WEE1: variants seen among roughly 807,000 people sequenced by gnomAD.
WEE1 encodes the protein WEE1 G2 checkpoint kinase.
A neutral mutation model predicts 68.8 loss-of-function variants in WEE1; 16 were observed. That is an observed-to-expected ratio of 0.23 (90% CI 0.16 to 0.35). The LOEUF (loss-of-function observed/expected upper bound fraction) is 0.35. Ranked by LOEUF, WEE1 falls within the 10% of genes least tolerant of loss-of-function variation. The pLI is 1.00. For synonymous variants in WEE1, 349 were observed against 318.7 expected, an observed-to-expected ratio of 1.09 and a Z score of -1.01; for missense variants, 651 against 824.1, an observed-to-expected ratio of 0.79 and a Z score of 2.57.
chr11:9,576,558 C>G lies in WEE1; in HGVS notation c.918C>G (p.Gly306=). The part of the protein sequence containing the change: ...TTEFHELEKI[G]SGEFGSVFKC... ...AATTTCATGAGCTAGAGAAAATCGGCTCTGGAGAATTTGGTTCTGTATTTA... is the reference window on the plus strand; with the variant it reads ...AATTTCATGAGCTAGAGAAAATCGGGTCTGGAGAATTTGGTTCTGTATTTA... Residue 306 remains glycine, a synonymous_variant, in exon 4 of 11, where the codon GGC becomes GGG. Coordinates refer to ENST00000450114, the MANE Select transcript of WEE1 (RefSeq NM_003390.4). The surrounding 1 kb of genome is among the most constrained non-coding windows in gnomAD (Gnocchi z 4.3). 1.2e-6 allele frequency: 2 copies of G among 1,614,002 alleles called. No individual in the cohort carries two copies. Among genetic ancestry groups the G allele is most frequent in the Non-Finnish European group, 1.7e-6 (2 of 1,179,940 alleles).
chr11:9,577,712 A>T, intron 5 of WEE1: 1 of 325,440 alleles, frequency 3.1e-6, no homozygotes, highest in Admixed American at 4.6e-5. Context: ...TTCTTTAAGC[A>T]TTCTGTAGTC....
At chr11:9,575,096 G>C (rs1849549996) in intron 1 of WEE1, 1 of 985,492 alleles carries the variant, frequency 1.0e-6, no homozygotes, top group Non-Finnish European at 1.2e-6. Flanking sequence ...CTAAGTCCAG[G>C]CAGTACTGAG....
chr11:9,586,165 A>G (rs954913711), intron 8 of WEE1, among the ~76,000 whole-genome samples: 5 of 152,332 alleles, frequency 3.3e-5, no homozygotes, highest in East Asian at 1.9e-4. Context: ...GCCTAGAGGT[A>G]GAGGGATTTC....
rs1178991611 is a variant in WEE1 at position 9,576,924 on chromosome 11, C to T, written c.1020-218C>T. On this transcript the variant is annotated intron_variant, in intron 4 of 10. Transcript: ENST00000450114. This position sits in a 1 kb window ranked among gnomAD's most constrained non-coding sequence, Gnocchi z 4.3. ...AATGGAGTTTATTCTTACCTGAGTC[C>T]TAGGGCAAGCAACATTTCTTCTTTC... Among the ~76,000 whole-genome samples, 1 of 152,146 alleles carries T rather than the reference C, an allele frequency of 6.6e-6. No homozygotes were observed. Among genetic ancestry groups the T allele is most frequent in the Non-Finnish European group, 1.5e-5 (1 of 68,028 alleles).
intron 1 of WEE1, chr11:9,575,645 A>G (rs923038591): frequency 9.8e-6 from 5 of 510,044 alleles, no homozygotes; most frequent in Middle Eastern, 5.4e-4. Flanking sequence ...GGCAGCATTT[A>G]TATTCTTTTT....
chr11:9,586,502 A>T lies in WEE1; in HGVS notation c.1524A>T (p.Val508=), dbSNP rs762286625. The change falls in exon 9 of 11, where the codon GTA becomes GTT. Residue 508 remains valine, a synonymous_variant. Transcript: ENST00000450114. The stretch of plus-strand genomic sequence containing the variant: ...TTTTTGCGCTTGCCCTCACAGTGGT[A>T]TGTGCTGCTGGTGCTGAACCTCTTC... The part of the protein sequence containing the change: ...ADIFALALTV[V]CAAGAEPLPR... 3.7e-6 allele frequency: 6 copies of T among 1,614,126 alleles called. No individual in the cohort carries two copies. Among genetic ancestry groups the T allele is most frequent in the Non-Finnish European group, 8.5e-7 (1 of 1,179,990 alleles).
chr11:9,586,431 A>T lies in WEE1; in HGVS notation c.1471-18A>T. 5 of 1,596,842 alleles carry T rather than the reference A, an allele frequency of 3.1e-6. No homozygotes were observed. Among genetic ancestry groups the T allele is most frequent in the Non-Finnish European group, 4.3e-6 (5 of 1,171,290 alleles). On this transcript the variant is annotated intron_variant, in intron 8 of 10. Transcript: ENST00000450114. ...GACCATGTTTACATTCCTTTAAAAA[A>T]TTGTTTTAATTTTACAGAATTATAC...
chr11:9,574,259 C>T lies in WEE1; in HGVS notation c.326C>T (p.Ala109Val). Residue 109 changes from alanine (A) to valine (V), a missense_variant, in exon 1 of 11, where the codon GCG (alanine) becomes GTG (valine). Coordinates refer to ENST00000450114, the MANE Select transcript of WEE1 (RefSeq NM_003390.4). The surrounding 1 kb of genome is among the most constrained non-coding windows in gnomAD (Gnocchi z 4.9). ...GGCGCGGACGAGGCGGGCGGTGGGG[C>T]GGAGGGCGACTCGTGGGAGGAGGAG... ...CPGADEAGGG[A>V]EGDSWEEEGF... 1 of 1,214,606 alleles carries T rather than the reference C, an allele frequency of 8.2e-7. No individual in the cohort carries two copies. Among genetic ancestry groups the T allele is most frequent in the Non-Finnish European group, 1.0e-6 (1 of 975,488 alleles). The allele number at this position is 1,214,606 out of a possible 1,614,324, so 75.2% of individuals were successfully genotyped here. A position where few individuals can be genotyped will look rare whatever the true frequency, so the allele number is the denominator to read the frequency against.
chr11:9,583,671 A>G (rs1250424739), intron 6 of WEE1, among the ~76,000 whole-genome samples: 1 of 149,688 alleles, frequency 6.7e-6, no homozygotes, highest in Non-Finnish European at 1.5e-5. Flanking sequence ...AAGTTGTCCT[A>G]TAAAGAAAGT....
At chr11:9,587,276 G>A (rs556663286) in intron 10 of WEE1, among the ~76,000 whole-genome samples, 44 of 152,250 alleles carry the variant, frequency 2.9e-4, no homozygotes, top group Admixed American at 2.6e-3. Context: ...AGTTCGATAT[G>A]TTGTTATACG....
chr11:9,576,670 A>G lies in WEE1; in HGVS notation c.1019+11A>G, dbSNP rs768377459. ...GGGCTCTGTTGATGAGTATGTATTA[A>G]ACATTTTGTCTTTTGCTCTTTTGTC... On this transcript the variant is annotated intron_variant, in intron 4 of 10. Coordinates refer to ENST00000450114, the MANE Select transcript of WEE1 (RefSeq NM_003390.4). This position sits in a 1 kb window ranked among gnomAD's most constrained non-coding sequence, Gnocchi z 4.3. 1 of 1,603,382 alleles carries G rather than the reference A, an allele frequency of 6.2e-7. No homozygotes were observed. Among genetic ancestry groups the G allele is most frequent in the Non-Finnish European group, 8.5e-7 (1 of 1,176,672 alleles).
chr11:9,575,050 T>TG, intron 1 of WEE1: 1 of 985,730 alleles, frequency 1.0e-6, no homozygotes, highest in Non-Finnish European at 1.2e-6. Flanking sequence ...GAGTAAAGGC[T>TG]GGCCTTCCAA....
In WEE1 at chr11:9,589,138, T is replaced by C; in HGVS notation, c.*536T>C. On this transcript the variant is annotated 3_prime_UTR_variant, in exon 11 of 11. Coordinates refer to ENST00000450114, the MANE Select transcript of WEE1 (RefSeq NM_003390.4). ...TGATGATTCTGTGGAGGTATTGCCT[T>C]GTGAATTTGCTGCTATTTTAGTTTT... The C allele has an allele frequency of 1.0e-6, 1 of 985,884 alleles. No homozygotes were observed. Among genetic ancestry groups the C allele is most frequent in the Non-Finnish European group, 1.2e-6 (1 of 829,944 alleles). The allele number at this position is 985,884 out of a possible 1,614,324, so 61.1% of individuals were successfully genotyped here. A position where few individuals can be genotyped will look rare whatever the true frequency, so the allele number is the denominator to read the frequency against.
Position 9,585,462 on chromosome 11 carries a change from A to G in WEE1, c.1405A>G (p.Arg469Gly), listed in dbSNP as rs771783134. ...FKIGDLGHVT[R>G]ISSPQVEEGD... ...TCTAGGTGATCTTGGGCATGTAACA[A>G]GGATCTCCAGTCCACAAGTTGAAGA... Residue 469 changes from arginine to glycine, a missense_variant, in exon 8 of 11, where the codon AGG becomes GGG. Physicochemically the swap from Arg to Gly is moderately radical, Grantham distance 125 (BLOSUM62 -2). Coordinates refer to ENST00000450114, the MANE Select transcript of WEE1 (RefSeq NM_003390.4). 1.2e-6 allele frequency: 2 copies of G among 1,605,262 alleles called. No homozygotes were observed. Among genetic ancestry groups the G allele is most frequent in the Non-Finnish European group, 1.7e-6 (2 of 1,177,854 alleles).
Position 9,585,460 on chromosome 11 carries a change from C to T in WEE1, c.1403C>T (p.Thr468Ile), listed in dbSNP as rs749561677. 1 of 1,605,592 alleles carries T rather than the reference C, an allele frequency of 6.2e-7. No homozygotes were observed. The highest frequency in any genetic ancestry group is 8.5e-7 in the Non-Finnish European group (1 of 1,177,936). The change falls in exon 8 of 11, where the codon ACA (threonine) becomes ATA (isoleucine). Residue 468 changes from threonine to isoleucine, a missense_variant. Physicochemically the swap from Thr to Ile is moderately conservative, Grantham distance 89. Coordinates refer to ENST00000450114, the MANE Select transcript of WEE1 (RefSeq NM_003390.4). ...CTTCTAGGTGATCTTGGGCATGTAA[C>T]AAGGATCTCCAGTCCACAAGTTGAA... ...MFKIGDLGHV[T>I]RISSPQVEEG...
chr11:9,578,879 T>TTTTATTTATTTATTTATTTATTTA (rs61158431), intron 5 of WEE1: 2 of 142,244 alleles, frequency 1.4e-5, no homozygotes, highest in South Asian at 2.2e-4. Flanking sequence ...GAAAATAAGT[T>TTTTATTTATTTATTTATTTATTTA]TTTATTTATT....
chr11:9,578,878 T>TA (rs1430205442), intron 5 of WEE1: 28 of 120,066 alleles, frequency 2.3e-4, no homozygotes, highest in African/African-American at 5.2e-4. Flanking sequence ...TGAAAATAAG[T>TA]TTTTATTTAT....
chr11:9,575,555 G>T (rs905968408), intron 1 of WEE1: 2 of 349,172 alleles, frequency 5.7e-6, no homozygotes, highest in Non-Finnish European at 9.4e-6. Flanking sequence ...AGATTTTATG[G>T]GGCTCTCGGA....
rs1849541163 is a variant in WEE1 at position 9,574,446 on chromosome 11, G to C, written c.513G>C (p.Pro171=). ...EGRRSPRPDH[P]GTPPHKTFRK... ...GCCGCTCGCCGCGGCCGGACCACCC[G>C]GGCACCCCGCCACACAAGACCTTCC... The change falls in exon 1 of 11, where the codon CCG becomes CCC. Residue 171 remains proline (P), a synonymous_variant. Coordinates refer to ENST00000450114, the MANE Select transcript of WEE1 (RefSeq NM_003390.4). This position sits in a 1 kb window ranked among gnomAD's most constrained non-coding sequence, Gnocchi z 4.9. 2.4e-6 allele frequency: 3 copies of C among 1,229,284 alleles called. No homozygotes were observed. The highest frequency in any genetic ancestry group is 3.0e-6 in the Non-Finnish European group (3 of 989,376). 76.1% of individuals were successfully genotyped at this position (1,229,284 alleles called of 1,614,324 possible).
Sources: allele counts gnomAD v4.1 joint callset (sites outside exome capture counted in the v4.1 genomes callset), GRCh38; gene constraint gnomAD v4.1.1; non-coding constraint Gnocchi (gnomAD v3.1); transcripts MANE v1.5; gene names NCBI Gene and HGNC (gene_info 2026-07-23, HGNC 2026-07-21).